FRYL: variants seen among roughly 807,000 people sequenced by gnomAD.
FRYL encodes protein furry homolog-like.
Under a neutral mutation model 351.2 loss-of-function variants are expected in FRYL, and 150 were observed. The ratio of observed to expected loss-of-function variants is 0.43; its 90% confidence interval spans 0.37 to 0.49. FRYL has a LOEUF of 0.49. FRYL is among the 20% of genes least tolerant of loss of function. The pLI, the probability that FRYL is intolerant of heterozygous loss-of-function variation, is 0.00. For synonymous variants in FRYL, 1,153 were observed against 1,257.1 expected, an observed-to-expected ratio of 0.92 and a Z score of 1.75; for missense variants, 3,036 against 3,619.3, an observed-to-expected ratio of 0.84 and a Z score of 4.13.
chr4:48,776,745 A>C (rs1338697363), intron 1 of FRYL, among the ~76,000 whole-genome samples: 1 of 152,210 alleles, frequency 6.6e-6, no homozygotes, highest in Non-Finnish European at 1.5e-5. Flanking sequence ...TTCAGAGCAC[A>C]TACTCTGTCT....
At chr4:48,731,872 G>A (rs1445453208) in intron 1 of FRYL, among the ~76,000 whole-genome samples, 1 of 152,110 alleles carries the variant, frequency 6.6e-6, no homozygotes, top group Non-Finnish European at 1.5e-5. Flanking sequence ...ACATAGGCAT[G>A]GGCAAAATGT....
At chr4:48,604,620 T>C (rs538655502) in intron 11 of FRYL, among the ~76,000 whole-genome samples, 3 of 152,304 alleles carry the variant, frequency 2.0e-5, no homozygotes, top group Admixed American at 2.0e-4. Flanking sequence ...GCAAGGGGCA[T>C]GGAGCAGGTT....
Position 48,595,950 on chromosome 4 carries a change from T to C in FRYL, c.1086A>G (p.Leu362=). The C allele has an allele frequency of 6.2e-7, 1 of 1,606,902 alleles. No homozygotes were observed. The highest frequency in any genetic ancestry group is 2.2e-5 in the East Asian group (1 of 44,616). ...TTATTCTAATTACATAAACCCACAATAATCTATACAAAGATTCCAGTGCAA... is the reference window on the plus strand; with the variant it reads ...TTATTCTAATTACATAAACCCACAACAATCTATACAAAGATTCCAGTGCAA... ...SRVALESLYR[L]LWVYVIRIKC... is the part of the protein sequence containing the mutation. Residue 362 remains leucine, a synonymous_variant, in exon 14 of 64, where the codon TTA becomes TTG. Coordinates refer to ENST00000358350, the MANE Select transcript of FRYL (RefSeq NM_015030.2).
At chr4:48,632,012 C>T (rs1224472240) in intron 4 of FRYL, among the ~76,000 whole-genome samples, 1 of 118,600 alleles carries the variant, frequency 8.4e-6, no homozygotes, top group Non-Finnish European at 1.6e-5. Context: ...AAAATTGCGC[C>T]ACTGAACTCC....
chr4:48,631,557 C>T (rs1423969916), intron 4 of FRYL, among the ~76,000 whole-genome samples: 1 of 151,870 alleles, frequency 6.6e-6, no homozygotes, highest in Admixed American at 6.6e-5. Context: ...GAGTACCCAC[C>T]ACCACAAGCA....
chr4:48,768,461 A>G (rs529749600), intron 1 of FRYL, among the ~76,000 whole-genome samples: 11 of 152,346 alleles, frequency 7.2e-5, no homozygotes, highest in African/African-American at 2.6e-4. Context: ...AACAGAGGCG[A>G]AAATCTTCAG....
At chr4:48,626,579 T>C (rs1368977965) in intron 4 of FRYL, among the ~76,000 whole-genome samples, 1 of 152,080 alleles carries the variant, frequency 6.6e-6, no homozygotes, top group Non-Finnish European at 1.5e-5. Context: ...TAACTTACTA[T>C]ATATATTCAT....
intron 3 of FRYL, among the ~76,000 whole-genome samples, chr4:48,659,992 C>T (rs1325477596): frequency 6.6e-6 from 1 of 151,030 alleles, no homozygotes; most frequent in African/African-American, 2.4e-5. Flanking sequence ...GAAGCAGCAG[C>T]AGCAGCAGCA....
chr4:48,542,468 G>A (rs1289761635), intron 44 of FRYL, among the ~76,000 whole-genome samples: 2 of 152,200 alleles, frequency 1.3e-5, no homozygotes, highest in Non-Finnish European at 2.9e-5. Context: ...CCAGGCTGGA[G>A]TGCAGTGGTG....
chr4:48,564,202 G>T, intron 30 of FRYL, 100 bp from the exon 31 acceptor site: 1 of 1,203,134 alleles, frequency 8.3e-7, no homozygotes, highest in Non-Finnish European at 1.1e-6. Context: ...TATATTCATT[G>T]TAATTAATAG....
At chr4:48,635,551 T>A (rs886175282) in intron 3 of FRYL, among the ~76,000 whole-genome samples, 6 of 152,188 alleles carry the variant, frequency 3.9e-5, no homozygotes, top group Non-Finnish European at 8.8e-5. Context: ...TGGCAAATAG[T>A]AAGCTGCATC....
intron 4 of FRYL, among the ~76,000 whole-genome samples, chr4:48,625,344 T>C (rs1241281405): frequency 6.6e-6 from 1 of 152,054 alleles, no homozygotes; most frequent in Non-Finnish European, 1.5e-5. Flanking sequence ...ATGGAAAAAA[T>C]GTGAAGCAAC....
At chr4:48,582,407 A>T in intron 20 of FRYL, 90 bp downstream of exon 20, 1 of 794,860 alleles carries the variant, frequency 1.3e-6, no homozygotes, top group Non-Finnish European at 2.1e-6. Context: ...TAATACTTTT[A>T]GTGTTTGATA....
chr4:48,779,024 CA>C (rs1225032664), intron 1 of FRYL, among the ~76,000 whole-genome samples: 1 of 148,038 alleles, frequency 6.8e-6, no homozygotes, highest in Non-Finnish European at 1.5e-5. Context: ...TTTTTCTTTT[CA>C]AATCTTGGCC....
chr4:48,605,860 G>A, intron 10 of FRYL, 27 bp from the exon 11 acceptor site: 2 of 1,277,282 alleles, frequency 1.6e-6, no homozygotes, highest in Non-Finnish European at 2.2e-6. Flanking sequence ...TATATACTTA[G>A]ATTAACAAAA....
intron 1 of FRYL, among the ~76,000 whole-genome samples, chr4:48,739,518 AAAAT>A (rs1383541791): frequency 6.6e-5 from 10 of 152,276 alleles, no homozygotes; most frequent in Admixed American, 2.0e-4. Context: ...CACATGCAAA[AAAAT>A]AAATAAAGAA....
At chr4:48,656,658 T>C (rs1265719824) in intron 3 of FRYL, among the ~76,000 whole-genome samples, 1 of 146,042 alleles carries the variant, frequency 6.8e-6, no homozygotes, top group Non-Finnish European at 1.5e-5. Flanking sequence ...GCATTATATA[T>C]AATGTGCATG....
chr4:48,563,526 G>A (rs961413844), intron 31 of FRYL, among the ~76,000 whole-genome samples: 7 of 151,972 alleles, frequency 4.6e-5, no homozygotes, highest in Non-Finnish European at 1.0e-4. Context: ...GGCAACATAC[G>A]TAGTGAGACC....
chr4:48,685,857 G>A (rs549430939), intron 2 of FRYL, among the ~76,000 whole-genome samples: 22 of 152,036 alleles, frequency 1.4e-4, no homozygotes, highest in African/African-American at 4.8e-4. Flanking sequence ...GGGTTCAAGC[G>A]ATTCTCCTGC....
Sources: gnomAD v4.1 joint callset for allele counts (sites outside exome capture counted in the v4.1 genomes callset) on GRCh38, gnomAD v4.1.1 for gene constraint, MANE v1.5 for transcripts, NCBI Gene and HGNC (gene_info 2026-07-23, HGNC 2026-07-21) for gene names.